The following FER variants were observed in gnomAD, a reference collection of about 807,000 sequenced individuals.
FER encodes the protein tyrosine-protein kinase Fer.
Under a neutral mutation model 111.0 loss-of-function variants are expected in FER, and 63 were observed. The ratio of observed to expected loss-of-function variants is 0.57; its 90% CI spans 0.46 to 0.70. The LOEUF is 0.70. FER is among the 30% of genes least tolerant of loss of function. The probability of loss-of-function intolerance (pLI) is 0.00; values close to 1 mark genes in which losing one functional copy is unlikely to be tolerated. For synonymous variants in FER, 327 were observed against 313.9 expected, an observed-to-expected ratio of 1.04 and a Z score of -0.44; for missense variants, 914 against 954.0, an observed-to-expected ratio of 0.96 and a Z score of 0.55.
At chr5:108,860,941 C>A (rs1763457491) in intron 5 of FER, among the ~76,000 whole-genome samples, 1 of 152,136 alleles carries the variant, frequency 6.6e-6, no homozygotes, top group African/African-American at 2.4e-5. Flanking sequence ...ACCACCAGAT[C>A]TTCTGAGAAC....
intron 1 of FER, among the ~76,000 whole-genome samples, chr5:108,749,403 G>C (rs1454205789): frequency 1.3e-5 from 2 of 152,030 alleles, no homozygotes; most frequent in African/African-American, 4.8e-5. Flanking sequence ...TGATGGGCGT[G>C]AGGCGGGGTG....
intron 17 of FER, among the ~76,000 whole-genome samples, chr5:109,150,141 C>T (rs72796601): frequency 0.084 from 12,738 of 152,078 alleles, 578 homozygotes; most frequent in Middle Eastern, 0.12. Context: ...GTGCCAAAAG[C>T]GCTGGGGACC....
chr5:109,121,491 G>T (rs185062844), intron 17 of FER, among the ~76,000 whole-genome samples: 14 of 152,078 alleles, frequency 9.2e-5, no homozygotes, highest in Admixed American at 9.2e-4. Context: ...ATTGAATTCA[G>T]TTTATTCTTA....
At chr5:109,090,473 G>C (rs1386926541) in intron 16 of FER, among the ~76,000 whole-genome samples, 4 of 152,012 alleles carry the variant, frequency 2.6e-5, no homozygotes, top group Admixed American at 6.6e-5. Context: ...CCCAATCAAA[G>C]GAGCAAAATA....
At chr5:108,868,594 ATTCAAT>A in intron 6 of FER, among the ~76,000 whole-genome samples, 1 of 152,252 alleles carries the variant, frequency 6.6e-6, no homozygotes, top group Admixed American at 6.5e-5. Flanking sequence ...AAATGACTAA[ATTCAAT>A]TTTCTTTCAC....
At chr5:109,008,588 C>A (rs897890853) in intron 13 of FER, among the ~76,000 whole-genome samples, 1 of 152,086 alleles carries the variant, frequency 6.6e-6, no homozygotes, top group Admixed American at 6.6e-5. Flanking sequence ...CTCTTCTCAC[C>A]TTCCCTAGGC....
intron 16 of FER, among the ~76,000 whole-genome samples, chr5:109,082,538 A>T (rs901976835): frequency 6.6e-6 from 1 of 152,042 alleles, no homozygotes; most frequent in South Asian, 2.1e-4. Context: ...GCTCAATGAG[A>T]TAATGCCTAT....
At chr5:109,173,503 GT>G (rs1490531107) in intron 17 of FER, among the ~76,000 whole-genome samples, 2 of 152,176 alleles carry the variant, frequency 1.3e-5, no homozygotes, top group African/African-American at 2.4e-5. Flanking sequence ...TTTTTTATAA[GT>G]TATGTCTGCA....
At chr5:108,769,287 G>A (rs1752644264) in intron 2 of FER, among the ~76,000 whole-genome samples, 1 of 152,122 alleles carries the variant, frequency 6.6e-6, no homozygotes, top group Non-Finnish European at 1.5e-5. Flanking sequence ...GAGTGTTGGG[G>A]CAGGGGAAGG....
chr5:108,799,241 C>T (rs1286696331), intron 3 of FER, among the ~76,000 whole-genome samples: 2 of 152,102 alleles, frequency 1.3e-5, no homozygotes, highest in Non-Finnish European at 2.9e-5. Context: ...GTTAATTGTT[C>T]TTTGAAAACA....
At chr5:109,181,599 G>A (rs1383822603) in intron 18 of FER, among the ~76,000 whole-genome samples, 1 of 152,168 alleles carries the variant, frequency 6.6e-6, no homozygotes, top group African/African-American at 2.4e-5. Context: ...ATGGATTGGT[G>A]AATGGGTATG....
At chr5:108,845,839 A>G (rs1761978590) in intron 5 of FER, among the ~76,000 whole-genome samples, 1 of 152,180 alleles carries the variant, frequency 6.6e-6, no homozygotes. Context: ...ATCTTGTCAA[A>G]TGCTCTTTCT....
At chr5:108,923,432 A>G (rs1239922919) in intron 10 of FER, among the ~76,000 whole-genome samples, 3 of 152,124 alleles carry the variant, frequency 2.0e-5, no homozygotes, top group African/African-American at 7.2e-5. Context: ...GACCCAGGGA[A>G]GTTTTACGGA....
At chr5:108,858,048 G>C (rs1763167582) in intron 5 of FER, among the ~76,000 whole-genome samples, 1 of 152,102 alleles carries the variant, frequency 6.6e-6, no homozygotes, top group Admixed American at 6.5e-5. Flanking sequence ...CTTATTCTAG[G>C]TCCTGTTAAT....
chr5:108,790,129 G>A (rs1561422416), intron 2 of FER, among the ~76,000 whole-genome samples: 1 of 151,802 alleles, frequency 6.6e-6, no homozygotes, highest in African/African-American at 2.4e-5. Flanking sequence ...AGTTTGAGGT[G>A]GCAATGTGCT....
intron 2 of FER, among the ~76,000 whole-genome samples, chr5:108,785,852 G>A (rs1019760584): frequency 1.3e-5 from 2 of 152,218 alleles, no homozygotes; most frequent in African/African-American, 4.8e-5. Context: ...AAGTCATCCT[G>A]CCTCTGTGCT....
chr5:109,122,920 C>CTT (rs1198820600), intron 17 of FER, among the ~76,000 whole-genome samples: 1 of 151,984 alleles, frequency 6.6e-6, no homozygotes, highest in Non-Finnish European at 1.5e-5. Context: ...CACGGAATAT[C>CTT]TTTTTTCATC....
chr5:108,804,028 T>G (rs763775643), intron 3 of FER, among the ~76,000 whole-genome samples: 26 of 152,188 alleles, frequency 1.7e-4, no homozygotes, highest in Non-Finnish European at 3.4e-4. Context: ...TTGTAGTGCT[T>G]CTTATAGGGA....
At chr5:108,822,075 C>T (rs1173103558) in intron 3 of FER, among the ~76,000 whole-genome samples, 1 of 152,066 alleles carries the variant, frequency 6.6e-6, no homozygotes, top group Non-Finnish European at 1.5e-5. Flanking sequence ...TTTAAAATTC[C>T]ACATATGGGT....
Sources: gnomAD v4.1 joint callset for allele counts (sites outside exome capture counted in the v4.1 genomes callset) on GRCh38, gnomAD v4.1.1 for gene constraint, MANE v1.5 for transcripts, NCBI Gene and HGNC (gene_info 2026-07-23, HGNC 2026-07-21) for gene names.